The following SGCZ variants were observed in gnomAD, a reference collection of about 807,000 sequenced individuals.
The protein encoded by SGCZ is sarcoglycan zeta.
In SGCZ, 40 loss-of-function variants were observed where a neutral mutation model predicts 41.3. The ratio of observed to expected loss-of-function variants is 0.97; its 90% CI spans 0.75 to 1.26. The LOEUF (loss-of-function observed/expected upper bound fraction) is 1.26. Ranked by LOEUF, SGCZ falls within the 50% of genes most tolerant of loss-of-function variation. The probability of loss-of-function intolerance (pLI) is 0.00; values close to 1 mark genes in which losing one functional copy is unlikely to be tolerated. For missense variants in SGCZ, 552 were observed against 369.8 expected (o/e 1.49, Z -4.04); for synonymous variants, 206 against 137.5 (o/e 1.50, Z -3.49).
chr8:14,873,111 T>C (rs1207234575), intron 1 of SGCZ, among the ~76,000 whole-genome samples: 1 of 152,122 alleles, frequency 6.6e-6, no homozygotes, highest in Admixed American at 6.6e-5. Flanking sequence ...AGTTACTTAA[T>C]AATGGAGTGA....
intron 1 of SGCZ, among the ~76,000 whole-genome samples, chr8:15,065,572 G>A (rs1406168911): frequency 6.6e-6 from 1 of 151,894 alleles, no homozygotes; most frequent in Non-Finnish European, 1.5e-5. Context: ...AGCCTCTTGA[G>A]TAGATGGGAG....
At chr8:14,731,760 A>G (rs1278386239) in intron 1 of SGCZ, among the ~76,000 whole-genome samples, 2 of 152,082 alleles carry the variant, frequency 1.3e-5, no homozygotes, top group African/African-American at 2.4e-5. Context: ...CTGTTATTAA[A>G]TTCTACTTCC....
chr8:14,693,783 G>A (rs1212118269), intron 1 of SGCZ, among the ~76,000 whole-genome samples: 1 of 151,648 alleles, frequency 6.6e-6, no homozygotes, highest in Non-Finnish European at 1.5e-5. Context: ...GTAGGGATGG[G>A]GTTTCACCAT....
intron 1 of SGCZ, among the ~76,000 whole-genome samples, chr8:14,588,519 T>C (rs1381660253): frequency 1.3e-5 from 2 of 152,146 alleles, no homozygotes; most frequent in African/African-American, 4.8e-5. Flanking sequence ...CCCTAGAACA[T>C]TTTATGTGAT....
chr8:14,843,224 A>T (rs1351338553), intron 1 of SGCZ, among the ~76,000 whole-genome samples: 1 of 152,150 alleles, frequency 6.6e-6, no homozygotes, highest in Non-Finnish European at 1.5e-5. Context: ...AAAAAGAAAA[A>T]AAGAAGACTA....
intron 3 of SGCZ, among the ~76,000 whole-genome samples, chr8:14,238,353 G>C (rs577560062): frequency 6.6e-6 from 1 of 152,062 alleles, no homozygotes; most frequent in African/African-American, 2.4e-5. Flanking sequence ...TGACTGAGTA[G>C]ATAAAAAAAT....
At chr8:14,256,005 G>C (rs1449768960) in intron 3 of SGCZ, among the ~76,000 whole-genome samples, 1 of 151,972 alleles carries the variant, frequency 6.6e-6, no homozygotes, top group Non-Finnish European at 1.5e-5. Flanking sequence ...CTCTCACTTC[G>C]AGGAACATGC....
At chr8:14,479,731 C>CTTTTT (rs529812029) in intron 2 of SGCZ, among the ~76,000 whole-genome samples, 2,351 of 52,606 alleles carry the variant, frequency 0.045, 322 homozygotes, top group African/African-American at 0.056. Flanking sequence ...AATTCTACTT[C>CTTTTT]TTTTTTTTTT....
chr8:14,680,386 G>C (rs1296218395), intron 1 of SGCZ, among the ~76,000 whole-genome samples: 1 of 152,110 alleles, frequency 6.6e-6, no homozygotes, highest in Non-Finnish European at 1.5e-5. Context: ...AGGTTAACCA[G>C]CTGTAAAAAC....
intron 1 of SGCZ, among the ~76,000 whole-genome samples, chr8:14,673,329 TCCCC>T (rs981547273): frequency 1.3e-5 from 2 of 152,032 alleles, no homozygotes; most frequent in African/African-American, 4.8e-5. Context: ...GGGGGTGGTT[TCCCC>T]CATGCTATTC....
In SGCZ at chr8:14,715,560, A is replaced by ACACC. The variant is rs1554486604; in HGVS notation, c.40-160635_40-160634insGGTG. Among the ~76,000 whole-genome samples, 544 of 151,370 alleles carry ACACC rather than the reference A, an allele frequency of 3.6e-3. 4 individuals carry two copies. Among genetic ancestry groups the ACACC allele is most frequent in the South Asian group, 6.0e-3 (29 of 4,814 alleles). On this transcript the variant is annotated intron_variant, in intron 1 of 7. Transcript: ENST00000382080. ...CACACACACACACACACACACACAC[A>ACACC]AACATGCACACATAAAAACAGGATT... is the stretch of plus-strand genomic sequence containing the variant.
chr8:14,473,410 A>G (rs1801266780), intron 2 of SGCZ, among the ~76,000 whole-genome samples: 1 of 152,190 alleles, frequency 6.6e-6, no homozygotes, highest in Non-Finnish European at 1.5e-5. Flanking sequence ...TAACTTCATT[A>G]AAATATCATG....
chr8:15,192,751 T>C (rs1456551323), intron 1 of SGCZ, among the ~76,000 whole-genome samples: 1 of 152,082 alleles, frequency 6.6e-6, no homozygotes, highest in Non-Finnish European at 1.5e-5. Flanking sequence ...TTCTGCCCCA[T>C]TGCCATTAAT....
chr8:14,736,463 A>T (rs543055361), intron 1 of SGCZ, among the ~76,000 whole-genome samples: 5 of 152,302 alleles, frequency 3.3e-5, no homozygotes, highest in African/African-American at 1.2e-4. Context: ...AAATAAATGG[A>T]TAAATGACTT....
At chr8:14,778,575 T>G (rs772755586) in intron 1 of SGCZ, among the ~76,000 whole-genome samples, 1 of 151,874 alleles carries the variant, frequency 6.6e-6, no homozygotes, top group Non-Finnish European at 1.5e-5. Context: ...TTAAAATGTA[T>G]GTGGATGACA....
chr8:14,794,979 G>A (rs917156516), intron 1 of SGCZ, among the ~76,000 whole-genome samples: 6 of 152,154 alleles, frequency 3.9e-5, no homozygotes, highest in Non-Finnish European at 8.8e-5. Context: ...ATCACTTTCA[G>A]ACAAATAACT....
chr8:14,278,764 T>C (rs897428282), intron 3 of SGCZ, among the ~76,000 whole-genome samples: 1 of 152,130 alleles, frequency 6.6e-6, no homozygotes, highest in African/African-American at 2.4e-5. Context: ...CAGCACTTCA[T>C]TAAGACCTCA....
chr8:14,942,391 T>C (rs1164313502), intron 1 of SGCZ, among the ~76,000 whole-genome samples: 2 of 152,142 alleles, frequency 1.3e-5, no homozygotes, highest in Non-Finnish European at 2.9e-5. Flanking sequence ...TAGCTACTAG[T>C]TAGTAGCAGT....
At chr8:15,228,051 G>GA (rs543992128) in intron 1 of SGCZ, among the ~76,000 whole-genome samples, 9 of 151,812 alleles carry the variant, frequency 5.9e-5, no homozygotes, top group Non-Finnish European at 8.8e-5. Flanking sequence ...ACAGATGTTT[G>GA]AAAAAAAAGT....
Sources: gnomAD v4.1 joint callset for allele counts (sites outside exome capture counted in the v4.1 genomes callset) on GRCh38, gnomAD v4.1.1 for gene constraint, MANE v1.5 for transcripts, NCBI Gene and HGNC (gene_info 2026-07-23, HGNC 2026-07-21) for gene names.